The following ANK3 variants were observed in gnomAD, a reference collection of about 807,000 sequenced individuals.
ANK3 encodes the protein ankyrin-3.
ANK3 carries 57 observed loss-of-function variants against 370.9 expected under a neutral mutation model. That is an observed-to-expected ratio of 0.15 (90% CI 0.12 to 0.19). The LOEUF is 0.19. Among genes scored for constraint, ANK3 ranks in the 10% least tolerant of loss-of-function variants. ANK3 has a pLI of 1.00. For missense variants in ANK3, 4,439 were observed against 5,302.1 expected (o/e 0.84, Z 5.06); for synonymous variants, 1,929 against 1,946.3 (o/e 0.99, Z 0.23).
intron 2 of ANK3, among the ~76,000 whole-genome samples, chr10:60,395,569 TTTC>T (rs1286394593): frequency 9.1e-5 from 10 of 109,330 alleles, no homozygotes; most frequent in African/African-American, 3.7e-4. Flanking sequence ...TCTTTCTTTC[TTTC>T]TTTCTTTCTT....
At chr10:60,528,921 T>C (rs962334288) in intron 2 of ANK3, among the ~76,000 whole-genome samples, 2 of 152,100 alleles carry the variant, frequency 1.3e-5, no homozygotes, top group Non-Finnish European at 2.9e-5. Context: ...GACCACTGCC[T>C]AAAGAACTGA....
At chr10:60,452,306 G>A (rs1217804486) in intron 2 of ANK3, among the ~76,000 whole-genome samples, 3 of 152,224 alleles carry the variant, frequency 2.0e-5, no homozygotes, top group African/African-American at 7.2e-5. Context: ...AACCACCACA[G>A]CTATGTGCAC....
At chr10:60,326,550 C>A (rs145426945) in intron 1 of ANK3, among the ~76,000 whole-genome samples, 15 of 152,150 alleles carry the variant, frequency 9.9e-5, no homozygotes, top group Middle Eastern at 6.8e-3. Flanking sequence ...TGGGTTCTAA[C>A]GCTTCCTCTC....
At chr10:60,520,753 T>C (rs1375172769) in intron 2 of ANK3, among the ~76,000 whole-genome samples, 1 of 152,128 alleles carries the variant, frequency 6.6e-6, no homozygotes, top group African/African-American at 2.4e-5. Context: ...ATCATTTTGA[T>C]TGGCAAACAG....
intron 2 of ANK3, among the ~76,000 whole-genome samples, chr10:60,446,709 T>G (rs1459250675): frequency 6.6e-6 from 1 of 152,162 alleles, no homozygotes; most frequent in Non-Finnish European, 1.5e-5. Context: ...TCAAAGGAGC[T>G]CCAACTTAAA....
intron 6 of ANK3, among the ~76,000 whole-genome samples, chr10:60,263,043 G>A (rs1481542225): frequency 6.6e-6 from 1 of 152,180 alleles, no homozygotes; most frequent in South Asian, 2.1e-4. Flanking sequence ...AAGAAGAAGG[G>A]AGAGACATGA....
chr10:60,332,154 A>G (rs12217173), intron 1 of ANK3, among the ~76,000 whole-genome samples: 58,037 of 151,980 alleles, frequency 0.38, 11,914 homozygotes, highest in Middle Eastern at 0.52. Flanking sequence ...ACTAATTAAG[A>G]CATCCTTCCA....
chr10:60,248,033 A>G (rs1289071309), intron 7 of ANK3, among the ~76,000 whole-genome samples: 1 of 152,218 alleles, frequency 6.6e-6, no homozygotes, highest in Non-Finnish European at 1.5e-5. Flanking sequence ...TTTAAGGCTG[A>G]GGAATGTTCC....
In ANK3 at chr10:60,249,456, TTC is replaced by T. The variant is rs2097610656; in HGVS notation, c.798+12401_798+12402del. ...CTGACAAACCTGGAACTAAATTAAT[TTC>T]TGTTTTGAATATTTTTTCTTACCCC... is the stretch of plus-strand genomic sequence containing the variant. On this transcript the variant is annotated intron_variant, in intron 7 of 43. Transcript: ENST00000280772. Among the ~76,000 whole-genome samples, 3 of 152,158 alleles carry T rather than the reference TTC, an allele frequency of 2.0e-5. No homozygotes were observed. The South Asian group carries it at 6.2e-4, about 32-fold the overall frequency.
chr10:60,635,981 A>G (rs1416863917), intron 1 of ANK3, among the ~76,000 whole-genome samples: 3 of 152,214 alleles, frequency 2.0e-5, no homozygotes, highest in Non-Finnish European at 4.4e-5. Flanking sequence ...AACTATATTC[A>G]TAGTGAAACA....
chr10:60,480,852 TG>T (rs2075194472), intron 2 of ANK3, among the ~76,000 whole-genome samples: 1 of 152,212 alleles, frequency 6.6e-6, no homozygotes, highest in Non-Finnish European at 1.5e-5. Context: ...AATTTTCCTT[TG>T]GGCAGCAAAT....
Position 60,055,682 on chromosome 10 carries a change from C to T in ANK3, c.13041G>A (p.Glu4347=). Reference sequence around the variant, plus strand: ...CCTTTTGCTCAGACCCACTGGACCCCTCTTCTTCATGGAGGCTAAGCCTTG... The same window carrying T: ...CCTTTTGCTCAGACCCACTGGACCCTTCTTCTTCATGGAGGCTAAGCCTTG... ...GKPRLSLHEE[E]GSSGSEQKQG... The change falls in exon 42 of 44, where the codon GAG becomes GAA. Residue 4347 remains glutamate, a synonymous_variant. Coordinates refer to ENST00000280772, the MANE Select transcript of ANK3 (RefSeq NM_020987.5). 1.2e-6 allele frequency: 2 copies of T among 1,612,844 alleles called. No individual in the cohort carries two copies. The highest frequency in any genetic ancestry group is 4.5e-5 in the East Asian group (2 of 44,864).
At chr10:60,053,709 C>A in intron 42 of ANK3, 1 of 1,303,902 alleles carries the variant, frequency 7.7e-7, no homozygotes, top group African/African-American at 1.5e-5. Context: ...CGTGTAGGAG[C>A]CGCACCCGGA....
At chr10:60,149,285 C>G (rs938052517) in intron 23 of ANK3, among the ~76,000 whole-genome samples, 5 of 152,116 alleles carry the variant, frequency 3.3e-5, no homozygotes, top group African/African-American at 1.2e-4. Context: ...CCCTGTGCAC[C>G]ACCTTGTCTT....
intron 1 of ANK3, among the ~76,000 whole-genome samples, chr10:60,385,783 AAT>A: frequency 6.6e-6 from 1 of 152,262 alleles, no homozygotes. Context: ...TTCCTTTTTT[AAT>A]ATAAATTTCA....
chr10:60,703,254 G>C (rs1163609252), intron 1 of ANK3, among the ~76,000 whole-genome samples: 1 of 152,182 alleles, frequency 6.6e-6, no homozygotes, highest in Admixed American at 6.5e-5. Flanking sequence ...GTTTAGGTAT[G>C]ACTGAAGATT....
At chr10:60,232,838 G>T (rs564457993) in intron 8 of ANK3, among the ~76,000 whole-genome samples, 1 of 152,072 alleles carries the variant, frequency 6.6e-6, no homozygotes, top group Non-Finnish European at 1.5e-5. Flanking sequence ...GACACTCGAC[G>T]ATCATCTATT....
intron 2 of ANK3, among the ~76,000 whole-genome samples, chr10:60,486,214 TAATAAAAAGAATAGTG>T (rs969070436): frequency 2.0e-5 from 3 of 152,172 alleles, no homozygotes; most frequent in Admixed American, 2.0e-4. Context: ...ATTGATCCTC[TAATAAAAAGAATAGTG>T]AATAAAAAGT....
intron 26 of ANK3, among the ~76,000 whole-genome samples, chr10:60,110,666 T>C (rs941891079): frequency 5.3e-5 from 8 of 152,186 alleles, no homozygotes; most frequent in African/African-American, 1.9e-4. Flanking sequence ...TTCTTAGACA[T>C]ACGTATATTT....
Sources: gnomAD v4.1 joint callset for allele counts (sites outside exome capture counted in the v4.1 genomes callset) on GRCh38, gnomAD v4.1.1 for gene constraint, MANE v1.5 for transcripts, NCBI Gene and HGNC (gene_info 2026-07-23, HGNC 2026-07-21) for gene names.